ELP3: variants seen among roughly 807,000 people sequenced by gnomAD.
ELP3 encodes the protein elongator acetyltransferase complex subunit 3.
ELP3 carries 56 observed loss-of-function variants against 74.9 expected under a neutral mutation model. That is an observed-to-expected ratio of 0.75 (90% CI 0.60 to 0.93). The LOEUF (loss-of-function observed/expected upper bound fraction) is 0.93. ELP3 is among the 40% of genes least tolerant of loss of function. The pLI, the probability that ELP3 is intolerant of heterozygous loss-of-function variation, is 0.00. For missense variants in ELP3, 573 were observed against 686.5 expected, an observed-to-expected ratio of 0.83 and a Z score of 1.85; for synonymous variants, 222 against 239.8, an observed-to-expected ratio of 0.93 and a Z score of 0.68.
intron 10 of ELP3, among the ~76,000 whole-genome samples, chr8:28,148,285 G>C (rs935484695): frequency 1.3e-5 from 2 of 152,136 alleles, no homozygotes; most frequent in African/African-American, 4.8e-5. Flanking sequence ...TGAGGAACAG[G>C]GTGTTGTCAT....
intron 12 of ELP3, 34 bp downstream of exon 12, chr8:28,158,667 C>G: frequency 1.3e-6 from 2 of 1,565,378 alleles, no homozygotes; most frequent in Non-Finnish European, 1.8e-6. Flanking sequence ...GGCCTAGGTA[C>G]TGTCCTTAGA....
chr8:28,107,892 G>A, intron 4 of ELP3, 21 bp from the exon 5 acceptor site: 1 of 1,610,978 alleles, frequency 6.2e-7, no homozygotes, highest in Non-Finnish European at 8.5e-7. Context: ...TGACATTCTT[G>A]TTCTTTTGTT....
intron 14 of ELP3, among the ~76,000 whole-genome samples, chr8:28,177,324 A>T (rs1814798342): frequency 6.6e-6 from 1 of 152,230 alleles, no homozygotes; most frequent in Non-Finnish European, 1.5e-5. Flanking sequence ...CCTTTTCCCA[A>T]CTTTGATATC....
intron 14 of ELP3, among the ~76,000 whole-genome samples, chr8:28,167,641 T>C (rs888202375): frequency 1.3e-5 from 2 of 152,148 alleles, no homozygotes; most frequent in East Asian, 3.8e-4. Flanking sequence ...GCAGACCAGT[T>C]TGTGGCACCT....
chr8:28,181,856 A>G (rs867245737), intron 14 of ELP3, among the ~76,000 whole-genome samples: 24 of 152,368 alleles, frequency 1.6e-4, no homozygotes, highest in African/African-American at 5.3e-4. Context: ...ATCTTGTTAC[A>G]TTTTAAATAA....
At chr8:28,115,362 A>G (rs1812086765) in intron 7 of ELP3, among the ~76,000 whole-genome samples, 2 of 152,196 alleles carry the variant, frequency 1.3e-5, no homozygotes, top group African/African-American at 4.8e-5. Flanking sequence ...TTTTAGAGCA[A>G]TTCTTATAGT....
At position 28,183,153 on chromosome 8, in the gene ELP3, C is replaced by T. The variant is rs182595172; in HGVS notation, c.1568-6496C>T. On this transcript the variant is annotated intron_variant, in intron 14 of 14. Coordinates refer to ENST00000256398, the MANE Select transcript of ELP3 (RefSeq NM_018091.6). ...TTTTAATAACTTACATATAGTAAAG[C>T]TCGTGTACAAATAAACAGGCTTGTT... 1.2e-4 allele frequency: 53 copies of T among 456,140 alleles called. No homozygotes were observed. The Middle Eastern group carries it at 1.3e-3, about 11-fold the overall frequency. The allele number at this position is 456,140 out of a possible 1,614,324, so 28.3% of individuals were successfully genotyped here. A position where few individuals can be genotyped will look rare whatever the true frequency, so the allele number is the denominator to read the frequency against.
At chr8:28,100,354 A>T (rs1319635772) in intron 3 of ELP3, among the ~76,000 whole-genome samples, 1 of 152,236 alleles carries the variant, frequency 6.6e-6, no homozygotes, top group African/African-American at 2.4e-5. Flanking sequence ...GCACTGTGGA[A>T]GTCCAGACAA....
At position 28,107,220 on chromosome 8, in the gene ELP3, C is replaced by A. The variant is rs1273619185; in HGVS notation, c.329+437C>A. Among the ~76,000 whole-genome samples the A allele has an allele frequency of 1.3e-5, 2 of 152,138 alleles. 1 individual carries two copies. Among genetic ancestry groups the A allele is most frequent in the South Asian group, 4.2e-4 (2 of 4,818 alleles). On this transcript the variant is annotated intron_variant, in intron 4 of 14. Transcript: ENST00000256398. The stretch of plus-strand genomic sequence containing the variant: ...CCGAGATCACGCCACTGCACTCCAG[C>A]CTGGGCAACAGAGTGAGACTCCATA...
At chr8:28,146,432 A>G (rs893585008) in intron 10 of ELP3, among the ~76,000 whole-genome samples, 14 of 152,250 alleles carry the variant, frequency 9.2e-5, no homozygotes, top group African/African-American at 3.4e-4. Context: ...CTGATGAGCA[A>G]ATTGCAAATA....
At chr8:28,131,512 A>G (rs1223672156) in intron 8 of ELP3, among the ~76,000 whole-genome samples, 1 of 152,194 alleles carries the variant, frequency 6.6e-6, no homozygotes, top group African/African-American at 2.4e-5. Context: ...AGCCATGGAA[A>G]TGGTTGGGAG....
At position 28,132,329 on chromosome 8, in the gene ELP3, C is replaced by T. The variant is rs368317768; in HGVS notation, c.831C>T (p.Ser277=). Reference sequence around the variant, plus strand: ...AGTCATTTCACCTGGCCAAAGATTCCGGTTTTAAAGTGGTGGCCCATATGA... The same window carrying T: ...AGTCATTTCACCTGGCCAAAGATTCTGGTTTTAAAGTGGTGGCCCATATGA... The part of the protein sequence containing the change: ...VCESFHLAKD[S]GFKVVAHMMP... The change falls in exon 9 of 15, where the codon TCC becomes TCT. Residue 277 remains serine, a synonymous_variant. Transcript: ENST00000256398. The T allele has an allele frequency of 2.2e-5, 35 of 1,613,958 alleles. No homozygotes were observed. In the East Asian group the frequency reaches 2.5e-4, roughly 11 times the overall value.
chr8:28,126,775 C>A (rs998820684), intron 7 of ELP3, among the ~76,000 whole-genome samples: 1 of 152,072 alleles, frequency 6.6e-6, no homozygotes, highest in African/African-American at 2.4e-5. Flanking sequence ...CGCATATTTG[C>A]ATATTAAAGA....
At chr8:28,103,003 C>G (rs1811551299) in intron 3 of ELP3, among the ~76,000 whole-genome samples, 1 of 152,132 alleles carries the variant, frequency 6.6e-6, no homozygotes, top group African/African-American at 2.4e-5. Context: ...AACCCTGTCT[C>G]TACTAAAAAT....
intron 10 of ELP3, among the ~76,000 whole-genome samples, chr8:28,148,738 C>T (rs757759827): frequency 1.3e-5 from 2 of 152,116 alleles, no homozygotes; most frequent in East Asian, 1.9e-4. Flanking sequence ...TATGATAAAT[C>T]GCACTTGGTT....
intron 7 of ELP3, among the ~76,000 whole-genome samples, chr8:28,118,001 C>T (rs1419580645): frequency 6.6e-6 from 1 of 152,192 alleles, no homozygotes; most frequent in Non-Finnish European, 1.5e-5. Context: ...TCTCTCTCAT[C>T]CTGCCCAGAG....
At position 28,136,779 on chromosome 8, in the gene ELP3, G is replaced by C. The variant is rs189484713; in HGVS notation, c.907-919G>C. Among the ~76,000 whole-genome samples, 16 of 152,300 alleles carry C rather than the reference G, an allele frequency of 1.1e-4. No individual in the cohort carries two copies. In the East Asian group the frequency reaches 2.5e-3, roughly 24 times the overall value. On this transcript the variant is annotated intron_variant, in intron 9 of 14. Coordinates refer to ENST00000256398, the MANE Select transcript of ELP3 (RefSeq NM_018091.6). ...CCAGCTGAGTAGATACTCCCACCAA[G>C]GTGGGAGTGAGAGGGGACTGTGAGT...
Position 28,147,038 on chromosome 8 carries a change from C to A in ELP3, c.1101-8904C>A, listed in dbSNP as rs929579470. On this transcript the variant is annotated intron_variant, in intron 10 of 14. Transcript: ENST00000256398. The surrounding 1 kb of genome is among the most constrained non-coding windows in gnomAD (Gnocchi z 4.5). The stretch of plus-strand genomic sequence containing the variant: ...CACTTGGCTTAATATTCTGCTGTCA[C>A]CGTCTTGAAATTATTAATAATTTTT... Among the ~76,000 whole-genome samples, 1 of 152,144 alleles carries A rather than the reference C, an allele frequency of 6.6e-6. No individual in the cohort carries two copies. Among genetic ancestry groups the A allele is most frequent in the Admixed American group, 6.5e-5 (1 of 15,270 alleles).
chr8:28,159,232 T>C (rs888462604), intron 12 of ELP3, among the ~76,000 whole-genome samples: 4 of 152,238 alleles, frequency 2.6e-5, no homozygotes, highest in African/African-American at 9.6e-5. Context: ...TGCCAGATTT[T>C]CTGTAGGATT....
Sources: allele counts gnomAD v4.1 joint callset (sites outside exome capture counted in the v4.1 genomes callset), GRCh38; gene constraint gnomAD v4.1.1; non-coding constraint Gnocchi (gnomAD v3.1); transcripts MANE v1.5; gene names NCBI Gene and HGNC (gene_info 2026-07-23, HGNC 2026-07-21).